Variants in PAK2 observed in about 807,000 individuals in gnomAD.
The protein encoded by PAK2 is p21 (RAC1) activated kinase 2.
PAK2 carries 21 observed loss-of-function variants against 65.9 expected under a neutral mutation model. The ratio of observed to expected loss-of-function variants is 0.32; its 90% CI spans 0.23 to 0.46. PAK2 has a LOEUF of 0.46. Ranked by LOEUF, PAK2 falls within the 20% of genes least tolerant of loss-of-function variation. PAK2 has a pLI of 1.00. For missense variants in PAK2, 324 were observed against 642.6 expected (o/e 0.50, Z 5.36); for synonymous variants, 204 against 219.7 (o/e 0.93, Z 0.63).
At chr3:196,744,785 T>A (rs1330004631) in intron 1 of PAK2, among the ~76,000 whole-genome samples, 3 of 152,208 alleles carry the variant, frequency 2.0e-5, no homozygotes, top group Non-Finnish European at 4.4e-5. Flanking sequence ...GTACTTTAAT[T>A]ATTTGTGATC....
rs1712083863 is a variant in PAK2 at position 196,831,490 on chromosome 3, A to G, written c.*3085A>G. The G allele has an allele frequency of 6.6e-6, 1 of 152,176 alleles. No individual in the cohort carries two copies. The highest frequency in any genetic ancestry group is 6.5e-5 in the Admixed American group (1 of 15,272). 9.4% of individuals were successfully genotyped at this position (152,176 alleles called of 1,614,324 possible). A position where few individuals can be genotyped will look rare whatever the true frequency, so the allele number is the denominator to read the frequency against. ...CTGAGGCTAATACAACTCTGTCTTCATGTGTTGACTGCCTGGCACATAGTA... is the reference window on the plus strand; with the variant it reads ...CTGAGGCTAATACAACTCTGTCTTCGTGTGTTGACTGCCTGGCACATAGTA... On this transcript the variant is annotated 3_prime_UTR_variant, in exon 15 of 15. Transcript: ENST00000327134.
chr3:196,809,021 G>A (rs1312213027), intron 7 of PAK2, among the ~76,000 whole-genome samples: 1 of 151,594 alleles, frequency 6.6e-6, no homozygotes, highest in African/African-American at 2.4e-5. Context: ...AGGATAGCTG[G>A]AGTCCAGGAG....
intron 1 of PAK2, among the ~76,000 whole-genome samples, chr3:196,775,968 T>C (rs183579603): frequency 6.6e-6 from 1 of 152,208 alleles, no homozygotes; most frequent in South Asian, 2.1e-4. Flanking sequence ...GAAATAAATA[T>C]GAGTCTTCTG....
intron 2 of PAK2, among the ~76,000 whole-genome samples, chr3:196,792,680 A>C (rs1430012775): frequency 6.6e-6 from 1 of 152,238 alleles, no homozygotes; most frequent in Non-Finnish European, 1.5e-5. Context: ...TAGACTTATC[A>C]AACAGCATGA....
intron 2 of PAK2, among the ~76,000 whole-genome samples, chr3:196,790,870 A>G (rs927280316): frequency 6.6e-5 from 10 of 152,224 alleles, no homozygotes; most frequent in Non-Finnish European, 1.5e-4. Context: ...TTGCCCACCA[A>G]TGATCAAAGG....
intron 1 of PAK2, among the ~76,000 whole-genome samples, chr3:196,752,723 C>T (rs1053844747): frequency 6.6e-6 from 1 of 152,104 alleles, no homozygotes; most frequent in Non-Finnish European, 1.5e-5. Context: ...ACCTCAGCCT[C>T]CCGAATAGCT....
intron 1 of PAK2, among the ~76,000 whole-genome samples, chr3:196,781,949 C>CA (rs1316491856): frequency 6.6e-6 from 1 of 152,168 alleles, no homozygotes; most frequent in Non-Finnish European, 1.5e-5. Flanking sequence ...ACTAAAAATA[C>CA]AAAAAAATTA....
chr3:196,798,532 C>T (rs1056878564), intron 2 of PAK2, among the ~76,000 whole-genome samples: 2 of 151,818 alleles, frequency 1.3e-5, no homozygotes, highest in Admixed American at 6.6e-5. Context: ...TTAGTAGAGA[C>T]GAGACTTCAC....
At position 196,820,996 on chromosome 3, in the gene PAK2, C is replaced by A. The variant is rs1470301720; in HGVS notation, c.1350+429C>A. ...CTGGGACTATGGGTGCGTGCCACCA[C>A]ACCCAGCTGATTTTTGTACTTTTCA... On this transcript the variant is annotated intron_variant, in intron 13 of 14. Coordinates refer to ENST00000327134, the MANE Select transcript of PAK2 (RefSeq NM_002577.4). The surrounding 1 kb of genome is among the most constrained non-coding windows in gnomAD (Gnocchi z 4.6). Among the ~76,000 whole-genome samples, 4 of 152,206 alleles carry A rather than the reference C, an allele frequency of 2.6e-5. No homozygotes were observed. The highest frequency in any genetic ancestry group is 4.2e-4 in the South Asian group (2 of 4,814).
chr3:196,759,498 G>GTTTTTT lies in PAK2; in HGVS notation c.-22+19375_-22+19380dup, dbSNP rs71301221. Among the ~76,000 whole-genome samples the GTTTTTT allele has an allele frequency of 2.6e-3, 283 of 108,066 alleles. 28 individuals carry two copies. The highest frequency in any genetic ancestry group is 6.7e-3 in the Middle Eastern group (1 of 150). The allele number at this position is 108,066 out of a possible 152,430, so 70.9% of individuals were successfully genotyped here. A position where few individuals can be genotyped will look rare whatever the true frequency, so the allele number is the denominator to read the frequency against. On this transcript the variant is annotated intron_variant, in intron 1 of 14. Coordinates refer to ENST00000327134, the MANE Select transcript of PAK2 (RefSeq NM_002577.4). ...GGTATACAGTTAAGTGGTTTTTTTT[G>GTTTTTT]TTTTTTTTTTTTTTTTTTTTTTTTT... is the stretch of plus-strand genomic sequence containing the variant.
intron 1 of PAK2, among the ~76,000 whole-genome samples, chr3:196,746,923 A>T (rs1050966334): frequency 6.6e-6 from 1 of 151,422 alleles, no homozygotes; most frequent in Non-Finnish European, 1.5e-5. Context: ...CGTATTTCCT[A>T]GATCATTTCT....
chr3:196,797,819 A>G (rs982951296), intron 2 of PAK2, among the ~76,000 whole-genome samples: 4 of 152,212 alleles, frequency 2.6e-5, no homozygotes, highest in African/African-American at 9.7e-5. Flanking sequence ...AATATAATTC[A>G]ATTAGAAATC....
At chr3:196,777,387 A>G (rs1228581575) in intron 1 of PAK2, among the ~76,000 whole-genome samples, 2 of 152,052 alleles carry the variant, frequency 1.3e-5, no homozygotes, top group Non-Finnish European at 2.9e-5. Context: ...AATTTTTAGT[A>G]TAGACGGGGT....
chr3:196,768,263 ACT>A lies in PAK2; in HGVS notation c.-21-14358_-21-14357del, dbSNP rs1204141336. Among the ~76,000 whole-genome samples the A allele has an allele frequency of 3.3e-5, 5 of 150,614 alleles. No homozygotes were observed. The South Asian group carries it at 1.0e-3, about 32-fold the overall frequency. ...TCATTCCTAATCATGTTTATTTTTT[ACT>A]CTCTTTGTTTTGATTAATTTTGCCG... On this transcript the variant is annotated intron_variant, in intron 1 of 14. Coordinates refer to ENST00000327134, the MANE Select transcript of PAK2 (RefSeq NM_002577.4).
At chr3:196,746,933 T>C (rs1379575646) in intron 1 of PAK2, among the ~76,000 whole-genome samples, 1 of 152,166 alleles carries the variant, frequency 6.6e-6, no homozygotes, top group African/African-American at 2.4e-5. Context: ...AGATCATTTC[T>C]TTTAGATTTT....
chr3:196,784,895 C>T (rs1577719998), intron 2 of PAK2: 1 of 152,010 alleles, frequency 6.6e-6, no homozygotes, highest in East Asian at 1.9e-4. Flanking sequence ...CCTGTTGTTT[C>T]CTGACTTTTT....
intron 2 of PAK2, among the ~76,000 whole-genome samples, chr3:196,794,187 A>G (rs1424927781): frequency 6.6e-6 from 1 of 152,206 alleles, no homozygotes; most frequent in African/African-American, 2.4e-5. Flanking sequence ...ACAAAGATGG[A>G]AAATATGAGA....
chr3:196,802,293 C>T (rs1331571946), intron 3 of PAK2, among the ~76,000 whole-genome samples: 1 of 152,122 alleles, frequency 6.6e-6, no homozygotes, highest in East Asian at 1.9e-4. Flanking sequence ...TCCAACTACT[C>T]AGGAGGCTGA....
chr3:196,778,859 C>T (rs998562404), intron 1 of PAK2, among the ~76,000 whole-genome samples: 3 of 152,176 alleles, frequency 2.0e-5, no homozygotes, highest in Admixed American at 6.5e-5. Flanking sequence ...GTGTTTTTCT[C>T]GTGATTAGGC....
Sources: allele counts gnomAD v4.1 joint callset (sites outside exome capture counted in the v4.1 genomes callset), GRCh38; gene constraint gnomAD v4.1.1; non-coding constraint Gnocchi (gnomAD v3.1); transcripts MANE v1.5; gene names NCBI Gene and HGNC (gene_info 2026-07-23, HGNC 2026-07-21).